The following LIMK1 variants were observed in gnomAD, a reference collection of about 807,000 sequenced individuals.
LIMK1 encodes the protein LIM motif-containing protein kinase.
Under a neutral mutation model 77.6 loss-of-function variants are expected in LIMK1, and 21 were observed. The ratio of observed to expected loss-of-function variants is 0.27; its 90% CI spans 0.19 to 0.39. LIMK1 has a LOEUF of 0.39. LIMK1 is among the 10% of genes least tolerant of loss of function. LIMK1 has a pLI of 1.00. For missense variants in LIMK1, 696 were observed against 901.6 expected, an observed-to-expected ratio of 0.77 and a Z score of 2.92; for synonymous variants, 358 against 370.0, an observed-to-expected ratio of 0.97 and a Z score of 0.37.
At chr7:74,117,463 A>G (rs1799839326) in intron 13 of LIMK1, among the ~76,000 whole-genome samples, 1 of 152,136 alleles carries the variant, frequency 6.6e-6, no homozygotes, top group Non-Finnish European at 1.5e-5. Flanking sequence ...ATCAGGACGC[A>G]GTCATCTTTG....
At chr7:74,107,393 G>A (rs969608808) in intron 8 of LIMK1, among the ~76,000 whole-genome samples, 200 bp downstream of exon 8, 2 of 152,140 alleles carry the variant, frequency 1.3e-5, no homozygotes, top group Non-Finnish European at 2.9e-5. Context: ...ATGTGCGGGA[G>A]GTCATTGAAA....
In LIMK1 at chr7:74,120,910, G is replaced by A. The variant is rs781963550; in HGVS notation, c.1642G>A (p.Ala548Thr). Reference protein sequence around the residue: ...VLCEIIGRVNADPDYLPRTMD... With the variant: ...VLCEIIGRVNTDPDYLPRTMD... ...TGGACAGATCATCGGGCGGGTGAACGCAGACCCTGACTACCTGCCCCGCAC... is the reference window on the plus strand; with the variant it reads ...TGGACAGATCATCGGGCGGGTGAACACAGACCCTGACTACCTGCCCCGCAC... Residue 548 changes from alanine (A) to threonine (T), a missense_variant, in exon 15 of 16, where the codon GCA becomes ACA. Coordinates refer to ENST00000336180, the MANE Select transcript of LIMK1 (RefSeq NM_002314.4). 7 of 1,614,154 alleles carry A rather than the reference G, an allele frequency of 4.3e-6. No homozygotes were observed. The highest frequency in any genetic ancestry group is 2.2e-5 in the East Asian group (1 of 44,888).
Position 74,091,077 on chromosome 7 carries a change from C to T in LIMK1, c.152+5233C>T, listed in dbSNP as rs540471017. Among the ~76,000 whole-genome samples, 5 of 152,200 alleles carry T rather than the reference C, an allele frequency of 3.3e-5. No homozygotes were observed. The East Asian group carries it at 9.7e-4, about 30-fold the overall frequency. On this transcript the variant is annotated intron_variant, in intron 2 of 15. Coordinates refer to ENST00000336180, the MANE Select transcript of LIMK1 (RefSeq NM_002314.4). Reference sequence around the variant, plus strand: ...TACAGGCGCCCACCACCACACCCGGCTAATTTTTTTTTGTTTGTTTGTATT... The same window carrying T: ...TACAGGCGCCCACCACCACACCCGGTTAATTTTTTTTTGTTTGTTTGTATT...
At chr7:74,105,821 G>T (rs1799557722) in intron 5 of LIMK1, 54 bp from the exon 6 acceptor site, 2 of 1,378,238 alleles carry the variant, frequency 1.5e-6, no homozygotes, top group Admixed American at 3.5e-5. Flanking sequence ...TTGGTTTCCT[G>T]TTGGGGCTCT....
intron 13 of LIMK1, among the ~76,000 whole-genome samples, chr7:74,120,281 G>T (rs1160406655): frequency 3.3e-5 from 5 of 152,206 alleles, no homozygotes; most frequent in African/African-American, 1.2e-4. Context: ...GACCTGACAT[G>T]GTTCCCTTTT....
Position 74,108,920 on chromosome 7 carries a change from T to C in LIMK1, c.1168T>C (p.Cys390Arg). 1 of 1,613,858 alleles carries C rather than the reference T, an allele frequency of 6.2e-7. No homozygotes were observed. The highest frequency in any genetic ancestry group is 8.5e-7 in the Non-Finnish European group (1 of 1,179,864). Residue 390 changes from cysteine (C) to arginine (R), a missense_variant, in exon 10 of 16, where the codon TGC becomes CGC. Around this residue, in one of 3 missense-constraint regions of LIMK1, gnomAD observed 438 missense variants for 602.3 expected, o/e 0.73. Transcript: ENST00000336180. ...GCCCCGCCAGGTGAAGGTCATGCGA[T>C]GCCTGGAACACCCCAACGTGCTCAA... ...TFLKEVKVMR[C>R]LEHPNVLKFI...
chr7:74,094,672 G>T lies in LIMK1; in HGVS notation c.153-1950G>T, dbSNP rs189859140. Among the ~76,000 whole-genome samples the T allele has an allele frequency of 5.0e-3, 762 of 152,286 alleles. 22 individuals carry two copies. The highest frequency in any genetic ancestry group is 0.046 in the Admixed American group (703 of 15,304). ...AGCACTCCTTTCCCTTTCGAATTAG[G>T]TTAGAGCCCTGGGACGGGAGGTGCC... is the stretch of plus-strand genomic sequence containing the variant. On this transcript the variant is annotated intron_variant, in intron 2 of 15. Coordinates refer to ENST00000336180, the MANE Select transcript of LIMK1 (RefSeq NM_002314.4).
chr7:74,113,731 A>G (rs1358548020), intron 12 of LIMK1, among the ~76,000 whole-genome samples: 3 of 151,990 alleles, frequency 2.0e-5, no homozygotes, highest in Non-Finnish European at 4.4e-5. Flanking sequence ...TCAATAACCC[A>G]TTAATCTGTT....
At chr7:74,085,250 A>T (rs1799113637) in intron 1 of LIMK1, among the ~76,000 whole-genome samples, 1 of 152,184 alleles carries the variant, frequency 6.6e-6, no homozygotes, top group South Asian at 2.1e-4. Context: ...AGGATCTGTT[A>T]GGGCCGGCAC....
chr7:74,085,346 G>T (rs987063834), intron 1 of LIMK1, among the ~76,000 whole-genome samples: 3 of 152,234 alleles, frequency 2.0e-5, no homozygotes, highest in Non-Finnish European at 4.4e-5. Context: ...CCTTTGAAGG[G>T]CCCTCTTAGT....
At position 74,099,205 on chromosome 7, in the gene LIMK1, G is replaced by T. The variant is rs782631807; in HGVS notation, c.575G>T (p.Gly192Val). 3 of 1,608,846 alleles carry T rather than the reference G, an allele frequency of 1.9e-6. No homozygotes were observed. Among genetic ancestry groups the T allele is most frequent in the Non-Finnish European group, 2.5e-6 (3 of 1,179,988 alleles). ...IDPPHGPPGCGTEHSHTVRVQ... is the reference protein window; with the variant it reads ...IDPPHGPPGCVTEHSHTVRVQ... Reference sequence around the variant, plus strand: ...CCCCCGCACGGCCCACCGGGCTGTGGCACCGAGCACTCACACACCGTCCGC... The same window carrying T: ...CCCCCGCACGGCCCACCGGGCTGTGTCACCGAGCACTCACACACCGTCCGC... Residue 192 changes from glycine to valine, a missense_variant, in exon 5 of 16, where the codon GGC (glycine) becomes GTC (valine). This residue lies in a region of LIMK1 where 252 missense variants were observed against 279.4 expected (regional missense o/e 0.90). Coordinates refer to ENST00000336180, the MANE Select transcript of LIMK1 (RefSeq NM_002314.4).
chr7:74,106,282 A>C, intron 7 of LIMK1, 39 bp downstream of exon 7: 1 of 1,565,104 alleles, frequency 6.4e-7, no homozygotes, highest in Non-Finnish European at 8.6e-7. Context: ...GGGTGCTTTC[A>C]CTCCTGCTGG....
chr7:74,093,197 G>A, intron 2 of LIMK1: 2 of 1,532,656 alleles, frequency 1.3e-6, no homozygotes, highest in Non-Finnish European at 1.7e-6. Context: ...CAGCTGGTCT[G>A]GCCACCCCTG....
intron 2 of LIMK1, among the ~76,000 whole-genome samples, chr7:74,094,846 G>T (rs1357901286): frequency 6.6e-6 from 1 of 151,848 alleles, no homozygotes; most frequent in African/African-American, 2.4e-5. Context: ...CACCTCCGGT[G>T]GCCCAGCCTC....
chr7:74,090,301 A>G (rs810535), intron 2 of LIMK1, among the ~76,000 whole-genome samples: 114,798 of 151,702 alleles, frequency 0.76, 44,798 homozygotes, highest in Middle Eastern at 0.9. Context: ...CTTGAACCCG[A>G]GAGGCAGTGA....
chr7:74,098,760 C>T (rs1799387497), intron 4 of LIMK1, among the ~76,000 whole-genome samples: 1 of 152,070 alleles, frequency 6.6e-6, no homozygotes, highest in Admixed American at 6.6e-5. Flanking sequence ...AGGAGAATCG[C>T]TTGAACCCAG....
intron 7 of LIMK1, among the ~76,000 whole-genome samples, chr7:74,106,584 A>G (rs939575046): frequency 9.9e-5 from 15 of 152,008 alleles, no homozygotes; most frequent in Non-Finnish European, 1.5e-5. Flanking sequence ...AACATGGGAA[A>G]CCTCATCTTT....
rs782584054 is a variant in LIMK1 at position 74,108,952 on chromosome 7, C to T, written c.1200C>T (p.Ile400=). 1.7e-5 allele frequency: 27 copies of T among 1,613,926 alleles called. No homozygotes were observed. The highest frequency in any genetic ancestry group is 1.2e-4 in the Admixed American group (7 of 59,982). Residue 400 remains isoleucine, a synonymous_variant, in exon 10 of 16, where the codon ATC becomes ATT. Coordinates refer to ENST00000336180, the MANE Select transcript of LIMK1 (RefSeq NM_002314.4). ...AACACCCCAACGTGCTCAAGTTCAT[C>T]GGGGTGCTCTACAAGGACAAGAGGC... ...CLEHPNVLKF[I]GVLYKDKRLN... is the part of the protein sequence containing the mutation.
rs782010371 is a variant in LIMK1 at position 74,120,898 on chromosome 7, G to A, written c.1630G>A (p.Gly544Arg). The stretch of plus-strand genomic sequence containing the variant: ...CGGGCCTTGTACTGGACAGATCATC[G>A]GGCGGGTGAACGCAGACCCTGACTA... ...SFGIVLCEII[G>R]RVNADPDYLP... Residue 544 changes from glycine to arginine, a missense_variant, in exon 15 of 16, where the codon GGG becomes AGG. Coordinates refer to ENST00000336180, the MANE Select transcript of LIMK1 (RefSeq NM_002314.4). The A allele has an allele frequency of 2.5e-6, 4 of 1,613,970 alleles. No individual in the cohort carries two copies. Among genetic ancestry groups the A allele is most frequent in the Non-Finnish European group, 3.4e-6 (4 of 1,180,010 alleles).
Sources: gnomAD v4.1 joint callset for allele counts (sites outside exome capture counted in the v4.1 genomes callset) on GRCh38, gnomAD v4.1.1 for gene constraint, gnomAD v4.1.1 regional missense constraint, MANE v1.5 for transcripts, NCBI Gene and HGNC (gene_info 2026-07-23, HGNC 2026-07-21) for gene names.